Variants in IL12RB2 observed in about 807,000 individuals in gnomAD.
IL12RB2 encodes interleukin-12 receptor subunit beta-2.
In IL12RB2, 82 loss-of-function variants were observed where a neutral mutation model predicts 89.4. The observed-to-expected ratio is 0.92, with a 90% confidence interval of 0.77 to 1.10. IL12RB2 has a LOEUF of 1.10. Among genes scored for constraint, IL12RB2 ranks in the 50% least tolerant of loss-of-function variants. The pLI, the probability that IL12RB2 is intolerant of heterozygous loss-of-function variation, is 0.00. For synonymous variants in IL12RB2, 368 were observed against 370.1 expected (o/e 0.99, Z 0.07); for missense variants, 963 against 1,031.9 (o/e 0.93, Z 0.92).
chr1:67,312,719 TAA>T (rs1034033783), intron 1 of IL12RB2, among the ~76,000 whole-genome samples: 14 of 131,040 alleles, frequency 1.1e-4, no homozygotes, highest in African/African-American at 1.4e-4. Context: ...ACATTGAATT[TAA>T]AAAAAAAAAA....
chr1:67,346,446 G>C (rs1400722724), intron 9 of IL12RB2, among the ~76,000 whole-genome samples: 2 of 141,646 alleles, frequency 1.4e-5, no homozygotes, highest in Non-Finnish European at 1.5e-5. Context: ...GAGTGCAGTG[G>C]TGCGATATTA....
rs750378854 is a variant in IL12RB2 at position 67,395,534 on chromosome 1, T to C, written c.2047-13T>C. On this transcript the variant is annotated splice_polypyrimidine_tract_variant and intron_variant, in intron 16 of 16. Coordinates refer to ENST00000674203, the MANE Select transcript of IL12RB2 (RefSeq NM_001374259.2). Reference sequence around the variant, plus strand: ...TACAGCAGTGTGAGCCTCTTCCTCCTCCTTTCTCTCAGGAGAAGACACAGC... The same window carrying C: ...TACAGCAGTGTGAGCCTCTTCCTCCCCCTTTCTCTCAGGAGAAGACACAGC... 1 of 1,614,198 alleles carries C rather than the reference T, an allele frequency of 6.2e-7. No homozygotes were observed. Among genetic ancestry groups the C allele is most frequent in the East Asian group, 2.2e-5 (1 of 44,870 alleles).
At chr1:67,315,434 A>G (rs2066446) in intron 2 of IL12RB2, among the ~76,000 whole-genome samples, 31,023 of 152,070 alleles carry the variant, frequency 0.2, 3,276 homozygotes, top group Admixed American at 0.25. Flanking sequence ...GTAGCCATTC[A>G]TTCAGTTATC....
intron 10 of IL12RB2, among the ~76,000 whole-genome samples, chr1:67,358,092 C>A (rs747074624): frequency 2.7e-5 from 4 of 148,776 alleles, no homozygotes; most frequent in Non-Finnish European, 6.0e-5. Context: ...ACCTTAAAGC[C>A]AAAGAAAAAA....
At chr1:67,335,123 T>C (rs1658597821) in intron 8 of IL12RB2, among the ~76,000 whole-genome samples, 1 of 152,246 alleles carries the variant, frequency 6.6e-6, no homozygotes, top group Non-Finnish European at 1.5e-5. Context: ...CAAGAAGTTA[T>C]ATGAAGAAGA....
intron 11 of IL12RB2, among the ~76,000 whole-genome samples, chr1:67,369,310 G>A (rs1350255369): frequency 6.6e-6 from 1 of 152,176 alleles, no homozygotes; most frequent in African/African-American, 2.4e-5. Context: ...ACGGCTTGAC[G>A]GCTGTTGCTG....
At chr1:67,378,521 A>G (rs949174565) in intron 13 of IL12RB2, among the ~76,000 whole-genome samples, 1 of 152,194 alleles carries the variant, frequency 6.6e-6, no homozygotes, top group Admixed American at 6.5e-5. Context: ...AAGGGCCTAG[A>G]GCCTACAAAT....
chr1:67,343,725 T>C (rs1033745835), intron 9 of IL12RB2, among the ~76,000 whole-genome samples: 1 of 152,178 alleles, frequency 6.6e-6, no homozygotes, highest in African/African-American at 2.4e-5. Flanking sequence ...TTCATATATA[T>C]ATGAAAAAGA....
At chr1:67,360,756 A>G (rs1661948910) in intron 10 of IL12RB2, among the ~76,000 whole-genome samples, 1 of 151,788 alleles carries the variant, frequency 6.6e-6, no homozygotes, top group African/African-American at 2.4e-5. Context: ...AGATCACTCT[A>G]CTGCACTCCA....
chr1:67,380,777 G>T (rs1664487311), intron 14 of IL12RB2, among the ~76,000 whole-genome samples: 1 of 152,096 alleles, frequency 6.6e-6, no homozygotes, highest in Admixed American at 6.5e-5. Flanking sequence ...CCAGTAATTT[G>T]CAGGCAGTCA....
intron 3 of IL12RB2, 44 bp from the exon 4 acceptor site, chr1:67,321,558 G>T (rs1558298491): frequency 6.8e-6 from 9 of 1,322,450 alleles, no homozygotes; most frequent in Non-Finnish European, 9.8e-6. Context: ...TTTGAAATGG[G>T]TTTATTATCA....
intron 14 of IL12RB2, among the ~76,000 whole-genome samples, chr1:67,383,648 A>C (rs6699991): frequency 0.47 from 71,033 of 152,038 alleles, 18,774 homozygotes; most frequent in Non-Finnish European, 0.58. Flanking sequence ...AAGGAGCTAT[A>C]GGCCCCATGC....
At chr1:67,334,154 T>G (rs775428180) in intron 8 of IL12RB2, among the ~76,000 whole-genome samples, 1 of 152,176 alleles carries the variant, frequency 6.6e-6, no homozygotes, top group Non-Finnish European at 1.5e-5. Flanking sequence ...AGCTAGGAAA[T>G]TCATGCACTC....
intron 14 of IL12RB2, among the ~76,000 whole-genome samples, chr1:67,381,067 C>T (rs1664517137): frequency 6.6e-6 from 1 of 152,144 alleles, no homozygotes; most frequent in Admixed American, 6.5e-5. Context: ...CATGGTTATA[C>T]CTACCCCATC....
At chr1:67,367,635 G>C (rs1384234198) in intron 10 of IL12RB2, among the ~76,000 whole-genome samples, 190 bp from the exon 11 acceptor site, 1 of 152,184 alleles carries the variant, frequency 6.6e-6, no homozygotes, top group Non-Finnish European at 1.5e-5. Flanking sequence ...GTTTGAACAA[G>C]CTGATGTTGT....
At chr1:67,359,652 G>T (rs1449595808) in intron 10 of IL12RB2, among the ~76,000 whole-genome samples, 1 of 152,056 alleles carries the variant, frequency 6.6e-6, no homozygotes, top group Non-Finnish European at 1.5e-5. Flanking sequence ...AACCTGGGAG[G>T]TGGCAGTTGC....
At chr1:67,383,609 C>T (rs556484941) in intron 14 of IL12RB2, among the ~76,000 whole-genome samples, 1 of 152,274 alleles carries the variant, frequency 6.6e-6, no homozygotes, top group South Asian at 2.1e-4. Context: ...AAATACACCC[C>T]TTCCAAATGG....
chr1:67,369,681 T>A (rs1256754529), intron 11 of IL12RB2, among the ~76,000 whole-genome samples: 3 of 152,228 alleles, frequency 2.0e-5, no homozygotes, highest in Non-Finnish European at 4.4e-5. Context: ...GCAAGAGAGA[T>A]GTTTTCCATA....
chr1:67,395,273 A>G (rs1266631344), intron 16 of IL12RB2, among the ~76,000 whole-genome samples: 3 of 151,572 alleles, frequency 2.0e-5, no homozygotes, highest in Non-Finnish European at 2.9e-5. Context: ...GTCTCAAGAA[A>G]AAAAAAAAAA....
Sources: gnomAD v4.1 joint callset for allele counts (sites outside exome capture counted in the v4.1 genomes callset) on GRCh38, gnomAD v4.1.1 for gene constraint, MANE v1.5 for transcripts, NCBI Gene and HGNC (gene_info 2026-07-23, HGNC 2026-07-21) for gene names.